Variants in LYRM1 observed in about 807,000 individuals in gnomAD.
LYRM1 encodes LYR motif containing 1.
Under a neutral mutation model 14.9 loss-of-function variants are expected in LYRM1, and 14 were observed. The ratio of observed to expected loss-of-function variants is 0.94; its 90% CI spans 0.62 to 1.47. LYRM1 has a LOEUF of 1.47. Among genes scored for constraint, LYRM1 ranks in the 40% most tolerant of loss-of-function variants. The pLI, the probability that LYRM1 is intolerant of heterozygous loss-of-function variation, is 0.00. For missense variants in LYRM1, 153 were observed against 149.9 expected (o/e 1.02, Z -0.11); for synonymous variants, 43 against 56.2 (o/e 0.77, Z 1.05).
chr16:20,914,312 G>A lies in LYRM1; in HGVS notation c.1-1244G>A, dbSNP rs147959602. On this transcript the variant is annotated intron_variant, in intron 1 of 3. Coordinates refer to ENST00000567954, the MANE Select transcript of LYRM1 (RefSeq NM_001128302.3). ...TTTTTTTTTTTTTCTTTTTGGAGACGGAGTTTCACTCTGTTGCCCAGGCTG... is the reference window on the plus strand; with the variant it reads ...TTTTTTTTTTTTTCTTTTTGGAGACAGAGTTTCACTCTGTTGCCCAGGCTG... Among the ~76,000 whole-genome samples the A allele has an allele frequency of 3.6e-5, 5 of 139,740 alleles. No homozygotes were observed. In the East Asian group the frequency reaches 6.4e-4, roughly 18 times the overall value. The allele number at this position is 139,740 out of a possible 152,430, so 91.7% of individuals were successfully genotyped here.
chr16:20,904,586 T>C (rs2082224956), intron 1 of LYRM1, among the ~76,000 whole-genome samples: 1 of 152,170 alleles, frequency 6.6e-6, no homozygotes, highest in African/African-American at 2.4e-5. Context: ...CACACAAGCA[T>C]ATCCTGAAAT....
chr16:20,909,275 A>G (rs1304007552), intron 1 of LYRM1, among the ~76,000 whole-genome samples: 1 of 152,226 alleles, frequency 6.6e-6, no homozygotes, highest in Non-Finnish European at 1.5e-5. Context: ...TTTTAAGAAA[A>G]GAGACCAGCT....
intron 1 of LYRM1, chr16:20,902,344 A>G (rs2082106881): frequency 6.6e-6 from 1 of 152,274 alleles, no homozygotes; most frequent in Non-Finnish European, 1.5e-5. Context: ...GAAGTTGTCA[A>G]GAAGTTAGAT....
intron 1 of LYRM1, among the ~76,000 whole-genome samples, chr16:20,911,790 G>T (rs971717446): frequency 6.6e-6 from 1 of 152,062 alleles, no homozygotes; most frequent in Non-Finnish European, 1.5e-5. Flanking sequence ...TAGAGATAGG[G>T]TCTCTTTATA....
At chr16:20,905,470 C>T (rs2082274856) in intron 1 of LYRM1, among the ~76,000 whole-genome samples, 1 of 152,182 alleles carries the variant, frequency 6.6e-6, no homozygotes. Flanking sequence ...CTCTGCTATA[C>T]AGGGCAAGAA....
At chr16:20,913,870 C>T (rs1206181486) in intron 1 of LYRM1, among the ~76,000 whole-genome samples, 2 of 150,952 alleles carry the variant, frequency 1.3e-5, no homozygotes, top group South Asian at 2.1e-4. Flanking sequence ...GTGCAGTGGC[C>T]GGATCTCAGC....
At position 20,901,706 on chromosome 16, in the gene LYRM1, G is replaced by A. The variant is rs2082065381; in HGVS notation, c.-1+817G>A. On this transcript the variant is annotated intron_variant, in intron 1 of 3. Transcript: ENST00000567954. The surrounding 1 kb of genome is among the most constrained non-coding windows in gnomAD (Gnocchi z 4.6). ...ATGTGTACCTTAAGGGTTTTAAGAA[G>A]GGAAGTGACCTGACCTGATTTACAT... Among the ~76,000 whole-genome samples the A allele has an allele frequency of 6.6e-6, 1 of 152,226 alleles. No individual in the cohort carries two copies. Among genetic ancestry groups the A allele is most frequent in the South Asian group, 2.1e-4 (1 of 4,832 alleles).
At chr16:20,904,691 T>TTTTGTGTG (rs148224628) in intron 1 of LYRM1, among the ~76,000 whole-genome samples, 14,654 of 140,908 alleles carry the variant, frequency 0.1, 932 homozygotes, top group South Asian at 0.2. Flanking sequence ...AAGTCTGTGG[T>TTTTGTGTG]TGTGTGTGTG....
intron 2 of LYRM1, among the ~76,000 whole-genome samples, chr16:20,917,615 GGGT>G (rs1391923605): frequency 1.3e-5 from 2 of 151,954 alleles, no homozygotes; most frequent in African/African-American, 4.8e-5. Context: ...AAAATTAGCT[GGGT>G]GTGGTGGTGC....
At chr16:20,917,976 CTTTGA>C (rs761481011) in intron 2 of LYRM1, among the ~76,000 whole-genome samples, 1 of 151,876 alleles carries the variant, frequency 6.6e-6, no homozygotes, top group Non-Finnish European at 1.5e-5. Context: ...GCTATAAATA[CTTTGA>C]TTTAACTGAC....
chr16:20,903,839 A>T lies in LYRM1; in HGVS notation c.-1+2950A>T, dbSNP rs1351352988. 5.3e-5 allele frequency among the ~76,000 whole-genome samples: 8 copies of T among 151,496 alleles called. 1 individual carries two copies. Among genetic ancestry groups the T allele is most frequent in the Admixed American group, 4.0e-4 (6 of 15,142 alleles). ...CAACTGTATCTAGTGTGGCATGCAA[A>T]GCTCTTTGGTCAGTTTCCTAATCCA... On this transcript the variant is annotated intron_variant, in intron 1 of 3. Coordinates refer to ENST00000567954, the MANE Select transcript of LYRM1 (RefSeq NM_001128302.3).
intron 2 of LYRM1, among the ~76,000 whole-genome samples, chr16:20,919,845 A>C (rs1354293591): frequency 6.6e-6 from 1 of 152,214 alleles, no homozygotes; most frequent in Non-Finnish European, 1.5e-5. Flanking sequence ...AGAAACTGCT[A>C]ATTGTTGTCT....
intron 1 of LYRM1, among the ~76,000 whole-genome samples, chr16:20,913,083 A>G (rs1401614978): frequency 6.7e-6 from 1 of 149,752 alleles, no homozygotes; most frequent in African/African-American, 2.4e-5. Context: ...AATAATAATA[A>G]TAATAATAAT....
chr16:20,914,296 T>C (rs1185747622), intron 1 of LYRM1, among the ~76,000 whole-genome samples: 1 of 148,762 alleles, frequency 6.7e-6, no homozygotes, highest in Non-Finnish European at 1.5e-5. Flanking sequence ...TTTTTTTTTT[T>C]TTTCTTTTTG....
chr16:20,910,318 C>G (rs1409423483), intron 1 of LYRM1, among the ~76,000 whole-genome samples: 1 of 152,208 alleles, frequency 6.6e-6, no homozygotes, highest in Non-Finnish European at 1.5e-5. Flanking sequence ...GTGAATACAG[C>G]TTTAGACCCT....
At chr16:20,919,250 A>G (rs1187109855) in intron 2 of LYRM1, among the ~76,000 whole-genome samples, 2 of 152,152 alleles carry the variant, frequency 1.3e-5, no homozygotes, top group African/African-American at 4.8e-5. Flanking sequence ...AGAGGTGTAG[A>G]TCATTCTCCA....
At chr16:20,906,937 G>T (rs1468881677) in intron 1 of LYRM1, among the ~76,000 whole-genome samples, 1 of 152,070 alleles carries the variant, frequency 6.6e-6, no homozygotes, top group East Asian at 1.9e-4. Flanking sequence ...TGGCAGAGTG[G>T]GTGGGTGTTT....
intron 2 of LYRM1, among the ~76,000 whole-genome samples, chr16:20,916,368 G>A (rs1172788968): frequency 1.3e-5 from 2 of 152,148 alleles, no homozygotes; most frequent in African/African-American, 2.4e-5. Flanking sequence ...CCGGCACTAA[G>A]CATGGAAAAA....
At chr16:20,916,500 G>A (rs2152547979) in intron 2 of LYRM1, among the ~76,000 whole-genome samples, 1 of 152,234 alleles carries the variant, frequency 6.6e-6, no homozygotes, top group East Asian at 1.9e-4. Flanking sequence ...TCTGACCTCT[G>A]ACTGTCTCTC....
Sources: allele counts gnomAD v4.1 joint callset (sites outside exome capture counted in the v4.1 genomes callset), GRCh38; gene constraint gnomAD v4.1.1; non-coding constraint Gnocchi (gnomAD v3.1); transcripts MANE v1.5; gene names NCBI Gene and HGNC (gene_info 2026-07-23, HGNC 2026-07-21).